The following CEP41 variants were observed in gnomAD, a reference collection of about 807,000 sequenced individuals.
The protein encoded by CEP41 is centrosomal protein 41.
In CEP41, 32 loss-of-function variants were observed where a neutral mutation model predicts 44.3. The ratio of observed to expected loss-of-function variants is 0.72; its 90% confidence interval spans 0.54 to 0.97. The LOEUF (loss-of-function observed/expected upper bound fraction) is 0.97. Among genes scored for constraint, CEP41 ranks in the 50% least tolerant of loss-of-function variants. CEP41 has a pLI of 0.00. For synonymous variants in CEP41, 151 were observed against 168.5 expected, an observed-to-expected ratio of 0.90 and a Z score of 0.80; for missense variants, 432 against 455.2, an observed-to-expected ratio of 0.95 and a Z score of 0.46.
Position 130,398,372 on chromosome 7 carries a change from T to C in CEP41, c.*519A>G, listed in dbSNP as rs1375237983. ...AGAGCTCCTTGCTGAGTGAGCCTGC[T>C]GGGGTGGGGTCTGCAGGCGGCTGGA... On this transcript the variant is annotated 3_prime_UTR_variant, in exon 11 of 11. Coordinates refer to ENST00000223208, the MANE Select transcript of CEP41 (RefSeq NM_018718.3). The C allele has an allele frequency of 6.6e-6, 3 of 453,892 alleles. 1 individual carries two copies. In the Admixed American group the frequency reaches 7.1e-5, roughly 11 times the overall value. 28.1% of individuals were successfully genotyped at this position (453,892 alleles called of 1,614,324 possible).
intron 1 of CEP41, among the ~76,000 whole-genome samples, chr7:130,435,937 T>C (rs1231894174): frequency 1.3e-5 from 2 of 152,044 alleles, no homozygotes; most frequent in Admixed American, 6.6e-5. Context: ...GGTGGATCAT[T>C]AGGTCAGGAG....
rs1796594409 is a variant in CEP41 at position 130,394,098 on chromosome 7, G to A, written c.*4793C>T. 2.2e-6 allele frequency: 1 copy of A among 453,986 alleles called. No individual in the cohort carries two copies. Among genetic ancestry groups the A allele is most frequent in the Non-Finnish European group, 4.4e-6 (1 of 226,806 alleles). The allele number at this position is 453,986 out of a possible 1,614,324, so 28.1% of individuals were successfully genotyped here. On this transcript the variant is annotated 3_prime_UTR_variant, in exon 11 of 11. Transcript: ENST00000223208. ...GACTAGGAGGGAAGGGAAGCCAATAGCGAAGGGAAAGGTACATTTTCACGG... is the reference window on the plus strand; with the variant it reads ...GACTAGGAGGGAAGGGAAGCCAATAACGAAGGGAAAGGTACATTTTCACGG...
chr7:130,398,915 G>A lies in CEP41; in HGVS notation c.1098C>T (p.His366=), dbSNP rs782157108. 2.5e-6 allele frequency: 4 copies of A among 1,614,240 alleles called. No individual in the cohort carries two copies. Among genetic ancestry groups the A allele is most frequent in the African/African-American group, 1.3e-5 (1 of 75,054 alleles). The change falls in exon 11 of 11, where the codon CAC becomes CAT. Residue 366 remains histidine (H), a synonymous_variant. Coordinates refer to ENST00000223208, the MANE Select transcript of CEP41 (RefSeq NM_018718.3). ...HSNPRSLSSG[H]LQGKPWK The stretch of plus-strand genomic sequence containing the variant: ...TTTACTTCCAGGGTTTGCCTTGCAG[G>A]TGACCACTGCTGAGGGAGCGGGGGT...
intron 5 of CEP41, chr7:130,410,772 G>C (rs1554419415): frequency 5.7e-6 from 2 of 349,496 alleles, no homozygotes; most frequent in Non-Finnish European, 1.1e-5. Flanking sequence ...ACATGTGACT[G>C]TCAATTTCAT....
chr7:130,419,155 G>A, intron 2 of CEP41: 9 of 985,420 alleles, frequency 9.1e-6, no homozygotes, highest in Non-Finnish European at 1.1e-5. Context: ...TAAAGGAGAA[G>A]GCTGAGAAAC....
In CEP41 at chr7:130,428,971, A is replaced by C. The variant is rs1005756308; in HGVS notation, c.34-953T>G. Among the ~76,000 whole-genome samples, 8 of 152,280 alleles carry C rather than the reference A, an allele frequency of 5.3e-5. No homozygotes were observed. The East Asian group carries it at 1.5e-3, about 29-fold the overall frequency. On this transcript the variant is annotated intron_variant, in intron 1 of 10. Transcript: ENST00000223208. ...TAATTTCTTACATTGAGCCCAAATC[A>C]GTCTTTCCAATTTTCATTCAGTCCA... is the stretch of plus-strand genomic sequence containing the variant.
intron 2 of CEP41, chr7:130,419,465 C>T: frequency 1.0e-6 from 1 of 984,674 alleles, no homozygotes. Context: ...AAGATAGTTT[C>T]TGACTACCTT....
At chr7:130,399,933 C>T in intron 10 of CEP41, 106 bp downstream of exon 10, 2 of 888,640 alleles carry the variant, frequency 2.3e-6, no homozygotes, top group Admixed American at 1.7e-5. Context: ...AACATACCTC[C>T]CTAGTATTTT....
Position 130,397,356 on chromosome 7 carries a change from C to T in CEP41, c.*1535G>A, listed in dbSNP as rs782070063. On this transcript the variant is annotated 3_prime_UTR_variant, in exon 11 of 11. Coordinates refer to ENST00000223208, the MANE Select transcript of CEP41 (RefSeq NM_018718.3). ...ATTTCTAAAGCATCGGAAAATGTTGCACTTTGGAAATCAAGTAGAGAAGAA... is the reference window on the plus strand; with the variant it reads ...ATTTCTAAAGCATCGGAAAATGTTGTACTTTGGAAATCAAGTAGAGAAGAA... 11 of 454,286 alleles carry T rather than the reference C, an allele frequency of 2.4e-5. No homozygotes were observed. The Admixed American group carries it at 2.6e-4, about 11-fold the overall frequency. The allele number at this position is 454,286 out of a possible 1,614,324, so 28.1% of individuals were successfully genotyped here.
Position 130,394,419 on chromosome 7 carries a change from C to T in CEP41, c.*4472G>A, listed in dbSNP as rs566536736. ...AAAGTAAGCTCTCCACAAACATTGGCTAGTATTATTATTTTCTGGAAATCT... is the reference window on the plus strand; with the variant it reads ...AAAGTAAGCTCTCCACAAACATTGGTTAGTATTATTATTTTCTGGAAATCT... On this transcript the variant is annotated 3_prime_UTR_variant, in exon 11 of 11. Transcript: ENST00000223208. 73 of 453,898 alleles carry T rather than the reference C, an allele frequency of 1.6e-4. No homozygotes were observed. Among genetic ancestry groups the T allele is most frequent in the Non-Finnish European group, 3.0e-4 (68 of 226,792 alleles). 28.1% of individuals were successfully genotyped at this position (453,898 alleles called of 1,614,324 possible). A position where few individuals can be genotyped will look rare whatever the true frequency, so the allele number is the denominator to read the frequency against.
Position 130,397,914 on chromosome 7 carries a change from C to T in CEP41, c.*977G>A. On this transcript the variant is annotated 3_prime_UTR_variant, in exon 11 of 11. Coordinates refer to ENST00000223208, the MANE Select transcript of CEP41 (RefSeq NM_018718.3). ...AAATTGCACTAATTACTCAATTAGA[C>T]TAATACTGTATTTCTAAGCAAGGGC... The T allele has an allele frequency of 2.2e-6, 1 of 454,502 alleles. No homozygotes were observed. The highest frequency in any genetic ancestry group is 4.4e-6 in the Non-Finnish European group (1 of 226,772). The allele number at this position is 454,502 out of a possible 1,614,324, so 28.2% of individuals were successfully genotyped here.
chr7:130,413,061 G>A (rs1316988694), intron 3 of CEP41, among the ~76,000 whole-genome samples: 1 of 151,146 alleles, frequency 6.6e-6, no homozygotes, highest in African/African-American at 2.4e-5. Context: ...GTGTGATCTC[G>A]GCTCTCTGCC....
At chr7:130,437,764 C>CAAAAAAAAAAAAAAAGAAAAAAA (rs1798011637) in intron 1 of CEP41, among the ~76,000 whole-genome samples, 1 of 32,426 alleles carries the variant, frequency 3.1e-5, no homozygotes, top group Non-Finnish European at 6.0e-5. Context: ...AAGACTGTCT[C>CAAAAAAAAAAAAAAAGAAAAAAA]AAAAAAAAAA....
At chr7:130,434,906 T>C (rs560129694) in intron 1 of CEP41, among the ~76,000 whole-genome samples, 2 of 152,280 alleles carry the variant, frequency 1.3e-5, no homozygotes, top group East Asian at 1.9e-4. Flanking sequence ...TCAGTCCATT[T>C]GTACAACTGA....
Position 130,395,880 on chromosome 7 carries a change from T to TAAA in CEP41, c.*3008_*3010dup, listed in dbSNP as rs34126172. ...CTGGTCCTGGCTAACCACTAAAGGT[T>TAAA]AAAAAAAAAAAAAAAGATAAAAGAT... On this transcript the variant is annotated 3_prime_UTR_variant, in exon 11 of 11. Transcript: ENST00000223208. The TAAA allele has an allele frequency of 1.2e-5, 5 of 415,744 alleles. No homozygotes were observed. In the East Asian group the frequency reaches 3.6e-4, roughly 30 times the overall value. The allele number at this position is 415,744 out of a possible 1,614,324, so 25.8% of individuals were successfully genotyped here. A position where few individuals can be genotyped will look rare whatever the true frequency, so the allele number is the denominator to read the frequency against.
intron 8 of CEP41, among the ~76,000 whole-genome samples, chr7:130,401,415 T>C (rs1409387941): frequency 6.6e-6 from 1 of 152,162 alleles, no homozygotes; most frequent in Non-Finnish European, 1.5e-5. Context: ...GAAGACAGTC[T>C]GGAATAAAAT....
chr7:130,437,853 G>A (rs1554426565), intron 1 of CEP41, among the ~76,000 whole-genome samples: 1 of 149,792 alleles, frequency 6.7e-6, no homozygotes, highest in Non-Finnish European at 1.5e-5. Context: ...CAAACTCACT[G>A]GCAAATAAAT....
chr7:130,400,582 A>C, intron 9 of CEP41, 125 bp downstream of exon 9: 2 of 743,244 alleles, frequency 2.7e-6, no homozygotes, highest in South Asian at 3.0e-5. Context: ...GACTCCTTTC[A>C]GCCAGCATGG....
chr7:130,421,305 T>C, intron 2 of CEP41: 1 of 985,462 alleles, frequency 1.0e-6, no homozygotes, highest in Non-Finnish European at 1.2e-6. Flanking sequence ...ACGAACTCAG[T>C]TGCTAAGAGA....
Sources: allele counts gnomAD v4.1 joint callset (sites outside exome capture counted in the v4.1 genomes callset), GRCh38; gene constraint gnomAD v4.1.1; transcripts MANE v1.5; gene names NCBI Gene and HGNC (gene_info 2026-07-23, HGNC 2026-07-21).